The following DTD1 variants were observed in gnomAD, a reference collection of about 807,000 sequenced individuals.
DTD1 encodes D-tyrosyl-tRNA deacylase 1 homolog.
A neutral mutation model predicts 25.6 loss-of-function variants in DTD1; 13 were observed. The ratio of observed to expected loss-of-function variants is 0.51; its 90% CI spans 0.33 to 0.81. The LOEUF is 0.81. DTD1 is among the 30% of genes least tolerant of loss of function. DTD1 has a pLI of 0.02. For missense variants in DTD1, 193 were observed against 266.4 expected (o/e 0.72, Z 1.92); for synonymous variants, 110 against 103.6 (o/e 1.06, Z -0.37).
intron 4 of DTD1, among the ~76,000 whole-genome samples, chr20:18,739,560 A>G (rs1327620321): frequency 6.6e-6 from 1 of 152,218 alleles, no homozygotes; most frequent in Non-Finnish European, 1.5e-5. Flanking sequence ...GATTAAAAAC[A>G]AGCAAACAGA....
rs1310229662 is a variant in DTD1 at position 18,629,296 on chromosome 20, C to T, written c.477+1063C>T. On this transcript the variant is annotated intron_variant, in intron 4 of 5. Coordinates refer to ENST00000377452, the MANE Select transcript of DTD1 (RefSeq NM_080820.6). Reference sequence around the variant, plus strand: ...CAGGTGTAATCCCACTGTGCTCGGCCTTTTTTTTTTTTTTTTTTTTTTGAG... The same window carrying T: ...CAGGTGTAATCCCACTGTGCTCGGCTTTTTTTTTTTTTTTTTTTTTTTGAG... Among the ~76,000 whole-genome samples, 13 of 69,220 alleles carry T rather than the reference C, an allele frequency of 1.9e-4. No homozygotes were observed. The East Asian group carries it at 2.9e-3, about 15-fold the overall frequency. The allele number at this position is 69,220 out of a possible 152,430, so 45.4% of individuals were successfully genotyped here.
At chr20:18,755,153 T>C (rs1482662335) in intron 5 of DTD1, among the ~76,000 whole-genome samples, 2 of 151,762 alleles carry the variant, frequency 1.3e-5, no homozygotes, top group African/African-American at 2.4e-5. Context: ...ATAACATTTC[T>C]TTTGAAAGCC....
intron 4 of DTD1, chr20:18,631,261 G>T (rs1454334457): frequency 5.1e-6 from 5 of 985,004 alleles, no homozygotes; most frequent in Non-Finnish European, 6.0e-6. Context: ...AAATGAAAAT[G>T]TGGGGCCCCT....
intron 4 of DTD1, among the ~76,000 whole-genome samples, chr20:18,709,797 GGACATTCCAA>G (rs1290750090): frequency 6.6e-6 from 1 of 152,148 alleles, no homozygotes; most frequent in Non-Finnish European, 1.5e-5. Context: ...TGACAAGTCA[GGACATTCCAA>G]CTTACCTTCA....
intron 4 of DTD1, among the ~76,000 whole-genome samples, chr20:18,709,488 C>G (rs1315669241): frequency 1.3e-5 from 2 of 152,260 alleles, no homozygotes; most frequent in South Asian, 2.1e-4. Context: ...AACCATCTAC[C>G]TGGCTCCTAA....
intron 4 of DTD1, among the ~76,000 whole-genome samples, chr20:18,743,108 T>A (rs563968825): frequency 5.9e-5 from 9 of 152,224 alleles, no homozygotes; most frequent in African/African-American, 2.2e-4. Flanking sequence ...TGATGGAAGC[T>A]TCTTTCAGCC....
chr20:18,652,294 AT>A (rs1445478149), intron 4 of DTD1, among the ~76,000 whole-genome samples: 2 of 152,282 alleles, frequency 1.3e-5, no homozygotes, highest in Non-Finnish European at 2.9e-5. Flanking sequence ...AATAATAGCT[AT>A]AAAAATATTT....
At chr20:18,682,166 A>G (rs774712684) in intron 4 of DTD1, among the ~76,000 whole-genome samples, 7 of 152,098 alleles carry the variant, frequency 4.6e-5, no homozygotes, top group Non-Finnish European at 8.8e-5. Context: ...GAGAGGGGGA[A>G]CCCGTATTTG....
In DTD1 at chr20:18,744,518, C is replaced by T. The variant is rs553253687; in HGVS notation, c.*19+247C>T. On this transcript the variant is annotated intron_variant, in intron 5 of 5. Transcript: ENST00000377452. Reference sequence around the variant, plus strand: ...GAAGTTTAATGGACTCGCAGTTCCACGTGGCTGGGGAGGCCTCACAATCAT... The same window carrying T: ...GAAGTTTAATGGACTCGCAGTTCCATGTGGCTGGGGAGGCCTCACAATCAT... Among the ~76,000 whole-genome samples the T allele has an allele frequency of 2.6e-5, 4 of 152,046 alleles. No individual in the cohort carries two copies. In the East Asian group the frequency reaches 7.8e-4, roughly 29 times the overall value.
chr20:18,627,423 C>T (rs2060764130), intron 3 of DTD1, among the ~76,000 whole-genome samples: 1 of 152,236 alleles, frequency 6.6e-6, no homozygotes, highest in Non-Finnish European at 1.5e-5. Context: ...GCAGTGCAAA[C>T]ATGGCCTTCC....
chr20:18,626,913 C>T (rs549431858), intron 3 of DTD1, among the ~76,000 whole-genome samples: 1 of 152,300 alleles, frequency 6.6e-6, no homozygotes, highest in South Asian at 2.1e-4. Flanking sequence ...AGTGCAGTGA[C>T]TGAAATTTTC....
chr20:18,694,657 T>C (rs376194434), intron 4 of DTD1, among the ~76,000 whole-genome samples: 1 of 152,328 alleles, frequency 6.6e-6, no homozygotes, highest in South Asian at 2.1e-4. Flanking sequence ...AGCCGGGCCT[T>C]CCGAAATGAT....
chr20:18,690,195 G>T (rs1254472933), intron 4 of DTD1, among the ~76,000 whole-genome samples: 5 of 61,898 alleles, frequency 8.1e-5, no homozygotes, highest in Non-Finnish European at 2.1e-4. Context: ...TGAATTATTT[G>T]TTTTTGTCTT....
chr20:18,751,467 T>C (rs1027244392), intron 5 of DTD1, among the ~76,000 whole-genome samples: 3 of 152,072 alleles, frequency 2.0e-5, no homozygotes, highest in Non-Finnish European at 2.9e-5. Flanking sequence ...ACCTAATACA[T>C]TGTCACTATC....
chr20:18,655,105 C>CT (rs1401739212), intron 4 of DTD1, among the ~76,000 whole-genome samples: 1 of 152,112 alleles, frequency 6.6e-6, no homozygotes, highest in African/African-American at 2.4e-5. Context: ...AACACTTAAA[C>CT]TTAATTTCAG....
At chr20:18,710,110 A>G (rs115247252) in intron 4 of DTD1, among the ~76,000 whole-genome samples, 2,056 of 152,308 alleles carry the variant, frequency 0.013, 31 homozygotes, top group African/African-American at 0.02. Flanking sequence ...GACAAGAGGT[A>G]TAAACTTTGA....
intron 4 of DTD1, among the ~76,000 whole-genome samples, chr20:18,722,534 T>C (rs1185160811): frequency 6.6e-6 from 1 of 152,230 alleles, no homozygotes; most frequent in African/African-American, 2.4e-5. Context: ...TTGATGGAGA[T>C]TTACAGTCTT....
intron 4 of DTD1, among the ~76,000 whole-genome samples, chr20:18,642,157 G>A (rs1371781970): frequency 6.6e-6 from 1 of 152,112 alleles, no homozygotes; most frequent in Non-Finnish European, 1.5e-5. Context: ...TCTCACCCTT[G>A]AATTCATTAG....
In DTD1 at chr20:18,609,007, T is replaced by A. The variant is rs576305996; in HGVS notation, c.370+12766T>A. Among the ~76,000 whole-genome samples the A allele has an allele frequency of 2.9e-3, 436 of 151,292 alleles. 3 individuals carry two copies. Among genetic ancestry groups the A allele is most frequent in the South Asian group, 0.029 (133 of 4,658 alleles). On this transcript the variant is annotated intron_variant, in intron 3 of 5. Transcript: ENST00000377452. ...CATGGAGAAATACATAAGAAAAAAA[T>A]TTTTTTTTTAAATTAGAAAACATAG...
Sources: gnomAD v4.1 joint callset for allele counts (sites outside exome capture counted in the v4.1 genomes callset) on GRCh38, gnomAD v4.1.1 for gene constraint, MANE v1.5 for transcripts, NCBI Gene and HGNC (gene_info 2026-07-23, HGNC 2026-07-21) for gene names.